The following ARFGEF3 variants were observed in gnomAD, a reference collection of about 807,000 sequenced individuals.
ARFGEF3 encodes the protein brefeldin A-inhibited guanine nucleotide-exchange protein 3.
Under a neutral mutation model 221.7 loss-of-function variants are expected in ARFGEF3, and 96 were observed. That is an observed-to-expected ratio of 0.43 (90% CI 0.37 to 0.51). ARFGEF3 has a LOEUF of 0.51. Ranked by LOEUF, ARFGEF3 falls within the 20% of genes least tolerant of loss-of-function variation. The probability of loss-of-function intolerance (pLI) is 0.00; values close to 1 mark genes in which losing one functional copy is unlikely to be tolerated. For missense variants in ARFGEF3, 2,410 were observed against 2,789.9 expected (o/e 0.86, Z 3.07); for synonymous variants, 1,145 against 1,126.8 (o/e 1.02, Z -0.32).
chr6:138,173,561 A>G (rs1007083133), intron 2 of ARFGEF3, among the ~76,000 whole-genome samples: 1 of 152,196 alleles, frequency 6.6e-6, no homozygotes, highest in Non-Finnish European at 1.5e-5. Flanking sequence ...GAATTGTTAT[A>G]GTCTCTTGCT....
intron 1 of ARFGEF3, among the ~76,000 whole-genome samples, chr6:138,163,388 A>G (rs770013371): frequency 5.9e-5 from 9 of 152,206 alleles, no homozygotes; most frequent in African/African-American, 2.2e-4. Context: ...AGAGAACAGC[A>G]AGGCTCTTAA....
At chr6:138,273,859 C>G (rs1275227797) in intron 12 of ARFGEF3, among the ~76,000 whole-genome samples, 1 of 152,206 alleles carries the variant, frequency 6.6e-6, no homozygotes, top group Non-Finnish European at 1.5e-5. Flanking sequence ...TCTGACATAG[C>G]AAGAAAATGG....
intron 12 of ARFGEF3, among the ~76,000 whole-genome samples, chr6:138,275,658 T>G (rs1330148717): frequency 1.3e-5 from 2 of 151,590 alleles, no homozygotes; most frequent in South Asian, 4.2e-4. Context: ...GCAGGAGAAT[T>G]GCTTGAACCC....
intron 6 of ARFGEF3, 108 bp downstream of exon 6, chr6:138,238,739 A>C (rs1408669400): frequency 2.0e-6 from 2 of 1,016,128 alleles, no homozygotes; most frequent in African/African-American, 3.2e-5. Context: ...AACAGTAGGA[A>C]GAGCTTGCTT....
intron 5 of ARFGEF3, among the ~76,000 whole-genome samples, chr6:138,234,111 T>C (rs1220374655): frequency 6.6e-6 from 1 of 152,184 alleles, no homozygotes; most frequent in Non-Finnish European, 1.5e-5. Flanking sequence ...CCCTTAAACC[T>C]CTTACTTGCA....
intron 4 of ARFGEF3, among the ~76,000 whole-genome samples, chr6:138,225,593 C>A (rs1182475535): frequency 6.6e-6 from 1 of 152,180 alleles, no homozygotes; most frequent in Non-Finnish European, 1.5e-5. Flanking sequence ...AAAGACTGTG[C>A]TTCCTTTATG....
intron 2 of ARFGEF3, among the ~76,000 whole-genome samples, chr6:138,185,642 A>G (rs1324024369): frequency 6.6e-6 from 1 of 152,216 alleles, no homozygotes. Context: ...AGGAGAGCTG[A>G]GACATCTGTG....
chr6:138,186,933 G>C (rs905994716), intron 2 of ARFGEF3, among the ~76,000 whole-genome samples: 2 of 23,970 alleles, frequency 8.3e-5, no homozygotes, highest in African/African-American at 1.5e-4. Flanking sequence ...TTTTTTTTTT[G>C]AGACAGAGTT....
chr6:138,225,454 T>C (rs1035542795), intron 4 of ARFGEF3, among the ~76,000 whole-genome samples: 3 of 152,248 alleles, frequency 2.0e-5, no homozygotes, highest in African/African-American at 7.2e-5. Flanking sequence ...TTCTCCAAAG[T>C]TATTGTGTCT....
chr6:138,221,310 A>G (rs1419930619), intron 4 of ARFGEF3, among the ~76,000 whole-genome samples: 1 of 152,208 alleles, frequency 6.6e-6, no homozygotes, highest in Non-Finnish European at 1.5e-5. Context: ...AGGTGGGGAA[A>G]TAGATTCTGT....
At position 138,311,480 on chromosome 6, in the gene ARFGEF3, G is replaced by A. The variant is rs368382489; in HGVS notation, c.4170G>A (p.Pro1390=). ...PGAPSTDLCL[P]ALDYLRRCSQ... is the part of the protein sequence containing the mutation. ...CCCCGTCCACAGACCTGTGCCTCCC[G>A]GCCCTGGATTACCTCAGGCGCTGCT... The change falls in exon 25 of 34, where the codon CCG becomes CCA. Residue 1390 remains proline (P), a synonymous_variant. Coordinates refer to ENST00000251691, the MANE Select transcript of ARFGEF3 (RefSeq NM_020340.5). 1.1e-5 allele frequency: 17 copies of A among 1,603,234 alleles called. No homozygotes were observed. The highest frequency in any genetic ancestry group is 6.7e-5 in the African/African-American group (5 of 74,726).
intron 1 of ARFGEF3, among the ~76,000 whole-genome samples, chr6:138,164,085 G>T (rs1776672487): frequency 6.6e-6 from 1 of 152,208 alleles, no homozygotes; most frequent in African/African-American, 2.4e-5. Flanking sequence ...AATGTTCCCT[G>T]TAAGGAATTT....
At position 138,291,129 on chromosome 6, in the gene ARFGEF3, G is replaced by A. The variant is rs932334637; in HGVS notation, c.3048-604G>A. 6.6e-6 allele frequency among the ~76,000 whole-genome samples: 1 copy of A among 152,114 alleles called. No homozygotes were observed. Among genetic ancestry groups the A allele is most frequent in the African/African-American group, 2.4e-5 (1 of 41,436 alleles). On this transcript the variant is annotated intron_variant, in intron 18 of 33. Transcript: ENST00000251691. This position sits in a 1 kb window ranked among gnomAD's most constrained non-coding sequence, Gnocchi z 4.5. The stretch of plus-strand genomic sequence containing the variant: ...TTGGGAACAAACCATTTAGGAGTTG[G>A]CAGTTGTAGCACATGTGGTGACCCT...
chr6:138,312,528 T>A (rs1779848393), intron 25 of ARFGEF3, among the ~76,000 whole-genome samples: 1 of 152,134 alleles, frequency 6.6e-6, no homozygotes, highest in Non-Finnish European at 1.5e-5. Context: ...ATAGCTACGC[T>A]GAGCTTCTGC....
Position 138,234,153 on chromosome 6 carries a change from G to T in ARFGEF3, c.420+4301G>T, listed in dbSNP as rs902755226. Among the ~76,000 whole-genome samples the T allele has an allele frequency of 2.0e-5, 3 of 152,216 alleles. No homozygotes were observed. In the East Asian group the frequency reaches 5.8e-4, roughly 29 times the overall value. ...GTGAAGAAGTTGTTTGGAGTTAGAA[G>T]ACACACAGACCAGTGTCTCTGCTTC... On this transcript the variant is annotated intron_variant, in intron 5 of 33. Transcript: ENST00000251691.
rs974884271 is a variant in ARFGEF3 at position 138,227,715 on chromosome 6, C to T, written c.352-2069C>T. ...GTGACAATGTCCTGAGGGCCTTTCA[C>T]AGGCTCCACGGATGGTATAGTCTAA... On this transcript the variant is annotated intron_variant, in intron 4 of 33. Transcript: ENST00000251691. Among the ~76,000 whole-genome samples, 3 of 152,192 alleles carry T rather than the reference C, an allele frequency of 2.0e-5. No individual in the cohort carries two copies. The East Asian group carries it at 5.8e-4, about 29-fold the overall frequency.
At chr6:138,329,080 G>A (rs189342861) in intron 32 of ARFGEF3, among the ~76,000 whole-genome samples, 1 of 152,324 alleles carries the variant, frequency 6.6e-6, no homozygotes, top group Admixed American at 6.5e-5. Flanking sequence ...AACAATGATG[G>A]CTATTGGGAG....
intron 25 of ARFGEF3, among the ~76,000 whole-genome samples, chr6:138,312,462 G>A (rs367775314): frequency 2.0e-5 from 3 of 152,024 alleles, no homozygotes; most frequent in Admixed American, 6.5e-5. Context: ...CATATGACGC[G>A]ACCCCTGCCC....
intron 10 of ARFGEF3, 45 bp from the exon 11 acceptor site, chr6:138,261,482 T>C: frequency 8.2e-7 from 1 of 1,216,530 alleles, no homozygotes; most frequent in Non-Finnish European, 1.2e-6. Context: ...TTGTGCTTTT[T>C]TGTGATATTC....
Sources: allele counts gnomAD v4.1 joint callset (sites outside exome capture counted in the v4.1 genomes callset), GRCh38; gene constraint gnomAD v4.1.1; non-coding constraint Gnocchi (gnomAD v3.1); transcripts MANE v1.5; gene names NCBI Gene and HGNC (gene_info 2026-07-23, HGNC 2026-07-21).